Variants in CTNNA2 observed in about 807,000 individuals in gnomAD.
The protein encoded by CTNNA2 is catenin alpha 2.
Under a neutral mutation model 101.0 loss-of-function variants are expected in CTNNA2, and 42 were observed. The ratio of observed to expected loss-of-function variants is 0.42; its 90% CI spans 0.32 to 0.54. The LOEUF is 0.54. Among genes scored for constraint, CTNNA2 ranks in the 20% least tolerant of loss-of-function variants. CTNNA2 has a pLI of 0.14. For synonymous variants in CTNNA2, 450 were observed against 456.4 expected, an observed-to-expected ratio of 0.99 and a Z score of 0.18; for missense variants, 871 against 1,223.1, an observed-to-expected ratio of 0.71 and a Z score of 4.29.
chr2:80,415,627 C>A (rs1251259568), intron 8 of CTNNA2, among the ~76,000 whole-genome samples: 2 of 152,054 alleles, frequency 1.3e-5, no homozygotes, highest in Non-Finnish European at 2.9e-5. Context: ...TAAATTAGTA[C>A]AATCATAGAA....
chr2:79,258,910 G>C (rs947068519), intron 2 of CTNNA2, among the ~76,000 whole-genome samples: 5 of 149,282 alleles, frequency 3.3e-5, no homozygotes, highest in Non-Finnish European at 3.0e-5. Context: ...GGAGCATGCA[G>C]TGAGTTTCAG....
At chr2:79,363,436 T>G (rs1026646859) in intron 3 of CTNNA2, among the ~76,000 whole-genome samples, 2 of 152,190 alleles carry the variant, frequency 1.3e-5, no homozygotes, top group Admixed American at 1.3e-4. Context: ...CATAAAACCC[T>G]CTCAGTCACA....
chr2:79,977,300 T>C (rs1690936489), intron 7 of CTNNA2, among the ~76,000 whole-genome samples: 1 of 151,822 alleles, frequency 6.6e-6, no homozygotes, highest in African/African-American at 2.4e-5. Context: ...AATTATCATG[T>C]AGACCCAGGG....
At chr2:80,586,312 C>A (rs929877184) in intron 14 of CTNNA2, 1 of 152,156 alleles carries the variant, frequency 6.6e-6, no homozygotes, top group Non-Finnish European at 1.5e-5. Flanking sequence ...TTTCAGTGCA[C>A]AAATTAACCT....
intron 7 of CTNNA2, among the ~76,000 whole-genome samples, chr2:79,927,946 A>G (rs1304828129): frequency 6.6e-6 from 1 of 152,174 alleles, no homozygotes; most frequent in Non-Finnish European, 1.5e-5. Flanking sequence ...TTTTGGCTCA[A>G]TATATGGAGC....
intron 4 of CTNNA2, among the ~76,000 whole-genome samples, chr2:79,394,700 A>G (rs1259353372): frequency 6.6e-6 from 1 of 152,212 alleles, no homozygotes; most frequent in African/African-American, 2.4e-5. Flanking sequence ...ACTCAGTAGT[A>G]CACATATCCT....
At chr2:79,673,526 G>A (rs1254834964) in intron 2 of CTNNA2, among the ~76,000 whole-genome samples, 1 of 152,048 alleles carries the variant, frequency 6.6e-6, no homozygotes, top group Non-Finnish European at 1.5e-5. Context: ...ATTGACCTTG[G>A]CTAGAAAGAA....
intron 2 of CTNNA2, among the ~76,000 whole-genome samples, chr2:79,248,314 A>G (rs1179504434): frequency 6.6e-6 from 1 of 152,080 alleles, no homozygotes; most frequent in African/African-American, 2.4e-5. Context: ...CATGTTAAAA[A>G]CAAAAGTAAA....
chr2:79,353,781 G>C lies in CTNNA2; in HGVS notation c.-317-20050G>C, dbSNP rs554403395. ...TTGTGTCTGTGAGCTATGTGCTTAA[G>C]TGTGTTTTTGTGGTGGCAGATATCA... is the stretch of plus-strand genomic sequence containing the variant. On this transcript the variant is annotated intron_variant, in intron 3 of 21. Transcript: ENST00000466387. 4.6e-5 allele frequency among the ~76,000 whole-genome samples: 7 copies of C among 152,286 alleles called. No homozygotes were observed. In the South Asian group the frequency reaches 8.3e-4, roughly 18 times the overall value.
intron 3 of CTNNA2, among the ~76,000 whole-genome samples, chr2:79,813,009 A>T (rs1403693923): frequency 6.6e-6 from 1 of 152,262 alleles, no homozygotes; most frequent in South Asian, 2.1e-4. Context: ...ACACCTTGTT[A>T]CCACTAGTTA....
intron 9 of CTNNA2, among the ~76,000 whole-genome samples, chr2:80,536,085 A>G (rs1690988200): frequency 6.6e-6 from 1 of 152,114 alleles, no homozygotes; most frequent in Non-Finnish European, 1.5e-5. Context: ...CTGTTATTGA[A>G]TTGTGAAACT....
At chr2:79,318,108 A>G (rs1036449913) in intron 3 of CTNNA2, among the ~76,000 whole-genome samples, 3 of 151,912 alleles carry the variant, frequency 2.0e-5, no homozygotes, top group African/African-American at 7.2e-5. Flanking sequence ...ATGTTTTTGT[A>G]AAAAAAATTC....
At chr2:79,698,054 C>CTTTA (rs770962681) in intron 2 of CTNNA2, 7 of 151,930 alleles carry the variant, frequency 4.6e-5, no homozygotes, top group Non-Finnish European at 8.8e-5. Flanking sequence ...TCCAAGAAAC[C>CTTTA]TTTATTTATT....
chr2:80,570,683 T>C (rs3755104), intron 12 of CTNNA2, among the ~76,000 whole-genome samples: 3 of 151,308 alleles, frequency 2.0e-5, no homozygotes, highest in Admixed American at 1.3e-4. Context: ...ATTTTAAAAA[T>C]AAAGAACTTG....
intron 7 of CTNNA2, among the ~76,000 whole-genome samples, chr2:79,931,159 G>A (rs567237564): frequency 1.3e-5 from 2 of 152,200 alleles, no homozygotes; most frequent in Non-Finnish European, 2.9e-5. Flanking sequence ...CCTGCACAAT[G>A]CAACTGTTCA....
chr2:80,477,324 G>C (rs1685804833), intron 9 of CTNNA2, among the ~76,000 whole-genome samples: 1 of 151,884 alleles, frequency 6.6e-6, no homozygotes. Flanking sequence ...GTCTGTTCCT[G>C]GTAAATAGAA....
intron 2 of CTNNA2, among the ~76,000 whole-genome samples, chr2:79,243,039 C>A (rs1263693063): frequency 6.8e-6 from 1 of 147,002 alleles, no homozygotes; most frequent in Admixed American, 6.8e-5. Context: ...CGTTAATATT[C>A]ATGATAAAAC....
chr2:80,051,286 T>C (rs557430341), intron 7 of CTNNA2, among the ~76,000 whole-genome samples: 73 of 152,302 alleles, frequency 4.8e-4, no homozygotes, highest in African/African-American at 1.7e-3. Context: ...TCTTACGTCA[T>C]TCACATAATG....
At chr2:79,958,917 C>T (rs753455409) in intron 7 of CTNNA2, among the ~76,000 whole-genome samples, 7 of 152,078 alleles carry the variant, frequency 4.6e-5, no homozygotes, top group Non-Finnish European at 1.0e-4. Flanking sequence ...AACCATGTTA[C>T]TTATGTAGGT....
Sources: gnomAD v4.1 joint callset for allele counts (sites outside exome capture counted in the v4.1 genomes callset) on GRCh38, gnomAD v4.1.1 for gene constraint, MANE v1.5 for transcripts, NCBI Gene and HGNC (gene_info 2026-07-23, HGNC 2026-07-21) for gene names.